Variants in WDR35 observed in about 807,000 individuals in gnomAD.
The protein encoded by WDR35 is WD repeat-containing protein 35.
WDR35 carries 118 observed loss-of-function variants against 158.3 expected under a neutral mutation model. That is an observed-to-expected ratio of 0.75 (90% CI 0.64 to 0.87). WDR35 has a LOEUF of 0.87. WDR35 is among the 40% of genes least tolerant of loss of function. WDR35 has a pLI of 0.00. For synonymous variants in WDR35, 448 were observed against 476.1 expected (o/e 0.94, Z 0.77); for missense variants, 1,263 against 1,405.8 (o/e 0.90, Z 1.62).
chr2:19,925,644 G>A (rs1041134201), intron 25 of WDR35, among the ~76,000 whole-genome samples: 3 of 152,314 alleles, frequency 2.0e-5, no homozygotes, highest in Admixed American at 6.5e-5. Context: ...TGAAGGGCCC[G>A]ATGGACAACC....
At chr2:19,974,211 C>T (rs1207350096) in intron 7 of WDR35, among the ~76,000 whole-genome samples, 1 of 151,932 alleles carries the variant, frequency 6.6e-6, no homozygotes, top group African/African-American at 2.4e-5. Context: ...GAGATAGAGA[C>T]TATCCTGGCT....
chr2:19,985,107 C>T (rs761101784), intron 2 of WDR35, among the ~76,000 whole-genome samples: 15 of 152,248 alleles, frequency 9.9e-5, no homozygotes, highest in Admixed American at 2.0e-4. Flanking sequence ...CTGCAGGTAC[C>T]GGAGGACTGC....
chr2:19,967,514 C>T (rs926788268), intron 9 of WDR35, among the ~76,000 whole-genome samples: 11 of 152,036 alleles, frequency 7.2e-5, no homozygotes, highest in Admixed American at 2.6e-4. Context: ...ATGGAACTTA[C>T]ACACTTACAG....
intron 11 of WDR35, among the ~76,000 whole-genome samples, chr2:19,956,212 C>A (rs574984940): frequency 6.6e-6 from 1 of 152,310 alleles, no homozygotes; most frequent in South Asian, 2.1e-4. Context: ...CAAGTTTGCA[C>A]ACCTTAACTG....
intron 25 of WDR35, 122 bp downstream of exon 25, chr2:19,930,274 G>C (rs939615389): frequency 2.1e-6 from 3 of 1,447,902 alleles, no homozygotes; most frequent in African/African-American, 2.8e-5. Flanking sequence ...TCAAACATAG[G>C]AAAATAAATC....
At chr2:19,964,705 C>T (rs958462534) in intron 10 of WDR35, among the ~76,000 whole-genome samples, 2 of 152,064 alleles carry the variant, frequency 1.3e-5, no homozygotes, top group Non-Finnish European at 2.9e-5. Context: ...CGGACTGGTC[C>T]TCTAATTTTA....
At chr2:19,967,989 A>C (rs986869579) in intron 9 of WDR35, among the ~76,000 whole-genome samples, 3 of 152,118 alleles carry the variant, frequency 2.0e-5, no homozygotes, top group Non-Finnish European at 4.4e-5. Flanking sequence ...ATGTCTCCTT[A>C]GGCTCCTCTG....
In WDR35 at chr2:19,980,789, A is replaced by T; in HGVS notation, c.215-6T>A. The stretch of plus-strand genomic sequence containing the variant: ...TGTTACAACTTGAACAGAACCTAGA[A>T]CATTATAAAACAATTTAGAAACTTA... On this transcript the variant is annotated splice_polypyrimidine_tract_variant and splice_region_variant and intron_variant, in intron 3 of 26. Transcript: ENST00000281405. 2 of 1,611,264 alleles carry T rather than the reference A, an allele frequency of 1.2e-6. No individual in the cohort carries two copies. The highest frequency in any genetic ancestry group is 1.7e-6 in the Non-Finnish European group (2 of 1,177,720).
At chr2:19,939,551 T>C (rs1670803693) in intron 17 of WDR35, among the ~76,000 whole-genome samples, 1 of 152,196 alleles carries the variant, frequency 6.6e-6, no homozygotes, top group South Asian at 2.1e-4. Context: ...AAAAAGTAGA[T>C]TGTACAATGA....
rs780968520 is a variant in WDR35, at chr2:19,936,275, A to T, written c.2358T>A (p.Ser786Arg). Residue 786 changes from serine (S) to arginine (R), a missense_variant, in exon 20 of 27, where the codon AGT becomes AGA. By Grantham distance (110) the Ser-to-Arg change is moderately radical. Coordinates refer to ENST00000281405, the MANE Select transcript of WDR35 (RefSeq NM_020779.4). Reference protein sequence around the residue: ...LKTGSGDADDSLLEQANNAIG... With the variant: ...LKTGSGDADDRLLEQANNAIG... ...TGGCATTGTTGGCTTGTTCCAGGAG[A>T]CTGTCATCTGCATCACCAGATCCAG... is the stretch of plus-strand genomic sequence containing the variant. 3.0e-5 allele frequency: 48 copies of T among 1,613,886 alleles called. No homozygotes were observed. The highest frequency in any genetic ancestry group is 4.1e-5 in the Non-Finnish European group (48 of 1,179,944).
rs1225684477 is a variant in WDR35, at chr2:19,931,417, A to G, written c.2824-8T>C. The G allele has an allele frequency of 1.2e-6, 2 of 1,612,924 alleles. No homozygotes were observed. The highest frequency in any genetic ancestry group is 2.2e-5 in the South Asian group (2 of 91,048). The stretch of plus-strand genomic sequence containing the variant: ...TGCCTCTTCATCTGCAATCTTAAAC[A>G]TTTTTCAAAATTGAGGGAAGTTACT... On this transcript the variant is annotated splice_polypyrimidine_tract_variant and splice_region_variant and intron_variant, in intron 23 of 26. Transcript: ENST00000281405.
At chr2:19,975,266 C>A (rs575435401) in intron 6 of WDR35, among the ~76,000 whole-genome samples, 66 of 152,308 alleles carry the variant, frequency 4.3e-4, no homozygotes, top group Non-Finnish European at 6.8e-4. Flanking sequence ...CTTAAATGCA[C>A]TGACACCTCG....
chr2:19,984,678 TAGA>T (rs1386211073), intron 2 of WDR35, among the ~76,000 whole-genome samples: 2 of 152,162 alleles, frequency 1.3e-5, no homozygotes, highest in Non-Finnish European at 2.9e-5. Flanking sequence ...AGGTATGACA[TAGA>T]AGAACAGAAG....
At chr2:19,956,613 T>A (rs1397623319) in intron 11 of WDR35, among the ~76,000 whole-genome samples, 2 of 148,048 alleles carry the variant, frequency 1.4e-5, no homozygotes, top group Non-Finnish European at 3.0e-5. Flanking sequence ...ACACGCTTAA[T>A]AATACTTTTT....
At chr2:19,923,764 A>G (rs1670260744) in intron 25 of WDR35, among the ~76,000 whole-genome samples, 1 of 152,200 alleles carries the variant, frequency 6.6e-6, no homozygotes, top group South Asian at 2.1e-4. Flanking sequence ...CCCTGTTAGA[A>G]TACACCCCCC....
intron 16 of WDR35, among the ~76,000 whole-genome samples, chr2:19,942,337 A>G (rs1670906945): frequency 6.6e-6 from 1 of 152,174 alleles, no homozygotes; most frequent in Admixed American, 6.5e-5. Context: ...ACCACACTGA[A>G]CAGTCTCTCC....
chr2:19,989,656 T>C (rs919870018), intron 1 of WDR35, among the ~76,000 whole-genome samples: 10 of 152,198 alleles, frequency 6.6e-5, no homozygotes, highest in East Asian at 1.9e-4. Flanking sequence ...CAATGGCTCG[T>C]GGTGATCCAA....
rs546601671 is a variant in WDR35 at position 19,924,000 on chromosome 2, T to C, written c.3121+6396A>G. 1.4e-4 allele frequency among the ~76,000 whole-genome samples: 22 copies of C among 152,288 alleles called. No individual in the cohort carries two copies. The South Asian group carries it at 4.4e-3, about 30-fold the overall frequency. On this transcript the variant is annotated intron_variant, in intron 25 of 26. Coordinates refer to ENST00000281405, the MANE Select transcript of WDR35 (RefSeq NM_020779.4). ...TACAATTTAAAACTTGGTGGGCCCA[T>C]GAAGCTTCCATTCAGGCTGCTTGCA...
intron 17 of WDR35, among the ~76,000 whole-genome samples, chr2:19,940,679 T>G (rs905676528): frequency 6.6e-6 from 1 of 152,110 alleles, no homozygotes; most frequent in African/African-American, 2.4e-5. Flanking sequence ...GCCCAGATGC[T>G]TCTTCCTTTG....
Sources: allele counts gnomAD v4.1 joint callset (sites outside exome capture counted in the v4.1 genomes callset), GRCh38; gene constraint gnomAD v4.1.1; transcripts MANE v1.5; gene names NCBI Gene and HGNC (gene_info 2026-07-23, HGNC 2026-07-21).